The following ADGRL2 variants were observed in gnomAD, a reference collection of about 807,000 sequenced individuals.
ADGRL2 encodes the protein adhesion G protein-coupled receptor L2.
Under a neutral mutation model 157.4 loss-of-function variants are expected in ADGRL2, and 44 were observed. That is an observed-to-expected ratio of 0.28 (90% CI 0.22 to 0.36). The LOEUF is 0.36. Ranked by LOEUF, ADGRL2 falls within the 10% of genes least tolerant of loss-of-function variation. The pLI is 1.00. For synonymous variants in ADGRL2, 585 were observed against 624.7 expected (o/e 0.94, Z 0.95); for missense variants, 1,510 against 1,768.9 (o/e 0.85, Z 2.63).
At position 81,990,433 on chromosome 1, in the gene ADGRL2, C is replaced by T. The variant is rs778788827; in HGVS notation, c.3698C>T (p.Thr1233Ile). 1.9e-6 allele frequency: 3 copies of T among 1,614,054 alleles called. No individual in the cohort carries two copies. In the Admixed American group the frequency reaches 5.0e-5, roughly 27 times the overall value. ...GCCAGGGATACAAGTGCCATGGATA[C>T]TCTACCGCTAAATGGTAATTTTAAC... The part of the protein sequence containing the change: ...NNARDTSAMD[T>I]LPLNGNFNNS... Residue 1233 changes from threonine (T) to isoleucine (I), a missense_variant, in exon 24 of 24, where the codon ACT (threonine) becomes ATT (isoleucine). By Grantham distance (89) the Thr-to-Ile change is moderately conservative. Transcript: ENST00000686636.
At chr1:81,524,801 G>T (rs1003944696) in intron 2 of ADGRL2, among the ~76,000 whole-genome samples, 1 of 151,688 alleles carries the variant, frequency 6.6e-6, no homozygotes, top group African/African-American at 2.4e-5. Context: ...GAGGGTCAGG[G>T]GGCTGAGGCA....
At chr1:81,549,119 C>T (rs945684747) in intron 2 of ADGRL2, among the ~76,000 whole-genome samples, 15 of 152,146 alleles carry the variant, frequency 9.9e-5, no homozygotes, top group African/African-American at 2.2e-4. Context: ...ACATTTGCAA[C>T]GGCACCAGGA....
chr1:81,743,608 G>A (rs1391427552), intron 1 of ADGRL2, among the ~76,000 whole-genome samples: 1 of 151,924 alleles, frequency 6.6e-6, no homozygotes, highest in Non-Finnish European at 1.5e-5. Flanking sequence ...AGTAATTAAA[G>A]GTTCTATAAG....
chr1:81,984,713 T>C lies in ADGRL2; in HGVS notation c.3411+2T>C. On this transcript the variant is annotated splice_donor_variant, in intron 20 of 23. Coordinates refer to ENST00000686636, the MANE Select transcript of ADGRL2 (RefSeq NM_001366006.2). LOFTEE classifies it high-confidence loss of function. ...GCTCGCTATTCCTCTGGCACACAGG[T>C]AACAAAGAGTTTGACAGCATCTTTA... 1 of 1,612,254 alleles carries C rather than the reference T, an allele frequency of 6.2e-7. No individual in the cohort carries two copies. The highest frequency in any genetic ancestry group is 2.2e-5 in the East Asian group (1 of 44,826).
chr1:81,791,937 G>C (rs916233515), intron 2 of ADGRL2, among the ~76,000 whole-genome samples: 2 of 152,130 alleles, frequency 1.3e-5, no homozygotes, highest in East Asian at 3.9e-4. Flanking sequence ...AATGCCATGC[G>C]TATTAAGCAT....
chr1:81,310,670 T>C (rs923525912), intron 1 of ADGRL2, among the ~76,000 whole-genome samples: 5 of 152,154 alleles, frequency 3.3e-5, no homozygotes, highest in Admixed American at 3.3e-4. Context: ...GTTATTTTAA[T>C]ATATCAGTTT....
At chr1:81,713,861 C>A (rs930695829) in intron 1 of ADGRL2, among the ~76,000 whole-genome samples, 9 of 152,148 alleles carry the variant, frequency 5.9e-5, no homozygotes, top group African/African-American at 1.9e-4. Context: ...CTGTATTAAT[C>A]TGTTCTCACA....
chr1:81,591,078 A>G (rs1446068374), intron 3 of ADGRL2, among the ~76,000 whole-genome samples: 4 of 152,184 alleles, frequency 2.6e-5, no homozygotes, highest in Non-Finnish European at 5.9e-5. Context: ...ATGTGGCCCA[A>G]ATTATCAGTC....
At chr1:81,771,741 C>A (rs2149348275) in intron 2 of ADGRL2, among the ~76,000 whole-genome samples, 1 of 152,050 alleles carries the variant, frequency 6.6e-6, no homozygotes, top group South Asian at 2.1e-4. Context: ...TAAGAATTCT[C>A]ACAGATAAAA....
At chr1:81,738,055 A>G (rs931549694) in intron 1 of ADGRL2, among the ~76,000 whole-genome samples, 10 of 152,206 alleles carry the variant, frequency 6.6e-5, no homozygotes, top group African/African-American at 2.4e-4. Flanking sequence ...CTCAGACCTA[A>G]ATTTAAATAA....
At chr1:81,486,589 T>A (rs1216473509) in intron 2 of ADGRL2, among the ~76,000 whole-genome samples, 1 of 152,182 alleles carries the variant, frequency 6.6e-6, no homozygotes, top group East Asian at 1.9e-4. Context: ...TGGGAATTAT[T>A]TAAAATGAGT....
intron 1 of ADGRL2, among the ~76,000 whole-genome samples, chr1:81,376,550 CCCTCCCTT>C (rs1011667789): frequency 6.6e-6 from 1 of 151,410 alleles, no homozygotes; most frequent in East Asian, 1.9e-4. Flanking sequence ...CTTTCTTCCT[CCCTCCCTT>C]CCTCCCTTCC....
intron 2 of ADGRL2, among the ~76,000 whole-genome samples, chr1:81,550,604 T>C (rs1263330929): frequency 5.3e-5 from 8 of 152,122 alleles, no homozygotes; most frequent in African/African-American, 2.4e-5. Flanking sequence ...TAACAGGAGT[T>C]TTCACAACAC....
chr1:81,325,716 T>C (rs1660849996), intron 1 of ADGRL2, among the ~76,000 whole-genome samples: 1 of 152,194 alleles, frequency 6.6e-6, no homozygotes, highest in African/African-American at 2.4e-5. Flanking sequence ...TGCTTTCATG[T>C]TGTGCTTAAA....
At chr1:81,883,171 C>T (rs1307611436) in intron 2 of ADGRL2, among the ~76,000 whole-genome samples, 2 of 152,054 alleles carry the variant, frequency 1.3e-5, no homozygotes, top group South Asian at 2.1e-4. Flanking sequence ...TTTCTTTAGT[C>T]TGAGAAGTAA....
Position 81,942,040 on chromosome 1 carries a change from A to T in ADGRL2, c.404A>T (p.Gln135Leu), listed in dbSNP as rs1273684307. The change falls in exon 5 of 24, where the codon CAA (glutamine) becomes CTA (leucine). Residue 135 changes from glutamine to leucine, a missense_variant. Gln to Leu is a moderately radical substitution (Grantham distance 113). Transcript: ENST00000686636. Reference sequence around the variant, plus strand: ...CTGATGCTTAAAATAGAAGTGGAGCAAAAAGGTAAATAACATACAGTCTGA... The same window carrying T: ...CTGATGCTTAAAATAGAAGTGGAGCTAAAAGGTAAATAACATACAGTCTGA... The part of the protein sequence containing the change: ...VQYECVPYME[Q>L]KVFVCPGTLK... The T allele has an allele frequency of 3.9e-6, 3 of 771,052 alleles. No homozygotes were observed. In the South Asian group the frequency reaches 4.1e-5, roughly 11 times the overall value. The allele number at this position is 771,052 out of a possible 1,614,324, so 47.8% of individuals were successfully genotyped here.
At chr1:81,409,047 G>C (rs1557667234) in intron 1 of ADGRL2, among the ~76,000 whole-genome samples, 3 of 152,124 alleles carry the variant, frequency 2.0e-5, no homozygotes, top group Admixed American at 6.5e-5. Context: ...TGATTCCATA[G>C]GCTTGTGTTA....
intron 11 of ADGRL2, among the ~76,000 whole-genome samples, chr1:81,964,044 A>G (rs2149255356): frequency 6.6e-6 from 1 of 151,870 alleles, no homozygotes; most frequent in East Asian, 1.9e-4. Context: ...AAAGTTCATT[A>G]TTGCATTTTC....
At chr1:81,973,051 G>C (rs3790882) in intron 17 of ADGRL2, among the ~76,000 whole-genome samples, 33,844 of 151,762 alleles carry the variant, frequency 0.22, 4,593 homozygotes, top group Middle Eastern at 0.34. Flanking sequence ...AAATGAGCTC[G>C]TTTGGATCTT....
Sources: allele counts gnomAD v4.1 joint callset (sites outside exome capture counted in the v4.1 genomes callset), GRCh38; gene constraint gnomAD v4.1.1; transcripts MANE v1.5; gene names NCBI Gene and HGNC (gene_info 2026-07-23, HGNC 2026-07-21).